ADGRL1: variants seen among roughly 807,000 people sequenced by gnomAD.
The protein encoded by ADGRL1 is CIRL-1.
A neutral mutation model predicts 148.9 loss-of-function variants in ADGRL1; 31 were observed. The observed-to-expected ratio is 0.21, with a 90% confidence interval of 0.16 to 0.28. The LOEUF is 0.28. Ranked by LOEUF, ADGRL1 falls within the 10% of genes least tolerant of loss-of-function variation. The probability of loss-of-function intolerance (pLI) is 1.00; values close to 1 mark genes in which losing one functional copy is unlikely to be tolerated. For synonymous variants in ADGRL1, 937 were observed against 900.3 expected (o/e 1.04, Z -0.73); for missense variants, 1,521 against 2,058.8 (o/e 0.74, Z 5.05).
intron 1 of ADGRL1, chr19:14,191,112 A>G (rs536357810): frequency 1.5e-4 from 70 of 456,098 alleles, no homozygotes; most frequent in Non-Finnish European, 2.7e-4. Flanking sequence ...ACAAAAGACA[A>G]TGTTGAGTGG....
chr19:14,152,264 A>G lies in ADGRL1; in HGVS notation c.3649+45T>C. ...CCCATGCAGAGGTCCCTTGGGACAC[A>G]AACCCTCCATTTCCCAACCTGGGAT... On this transcript the variant is annotated intron_variant, in intron 21 of 22. Coordinates refer to ENST00000361434, the MANE Select transcript of ADGRL1 (RefSeq NM_014921.5). This position sits in a 1 kb window ranked among gnomAD's most constrained non-coding sequence, Gnocchi z 6.1. 6.2e-7 allele frequency: 1 copy of G among 1,610,936 alleles called. No homozygotes were observed. The highest frequency in any genetic ancestry group is 1.1e-5 in the South Asian group (1 of 90,948).
At chr19:14,204,804 C>T (rs1482005014) in intron 1 of ADGRL1, among the ~76,000 whole-genome samples, 1 of 152,078 alleles carries the variant, frequency 6.6e-6, no homozygotes, top group African/African-American at 2.4e-5. Flanking sequence ...ACCCCTCCCC[C>T]TCCTGCCCCC....
In ADGRL1 at chr19:14,148,186, G is replaced by A. The variant is rs1278552728; in HGVS notation, c.*2687C>T. On this transcript the variant is annotated 3_prime_UTR_variant, in exon 23 of 23. Coordinates refer to ENST00000361434, the MANE Select transcript of ADGRL1 (RefSeq NM_014921.5). ...GTCCCAGCTGGGGTGGGGGCGTCAA[G>A]GCACCAGGTCTGGTTAGGTTGGGGG... 2 of 152,904 alleles carry A rather than the reference G, an allele frequency of 1.3e-5. No homozygotes were observed. Among genetic ancestry groups the A allele is most frequent in the Non-Finnish European group, 2.9e-5 (2 of 68,232 alleles). 9.5% of individuals were successfully genotyped at this position (152,904 alleles called of 1,614,324 possible). A position where few individuals can be genotyped will look rare whatever the true frequency, so the allele number is the denominator to read the frequency against.
chr19:14,161,214 C>A lies in ADGRL1; in HGVS notation c.1510+98G>T. On this transcript the variant is annotated intron_variant, in intron 6 of 22. Coordinates refer to ENST00000361434, the MANE Select transcript of ADGRL1 (RefSeq NM_014921.5). The surrounding 1 kb of genome is among the most constrained non-coding windows in gnomAD (Gnocchi z 4.4). The stretch of plus-strand genomic sequence containing the variant: ...GATGACCCCTGCCCTCAGAAAACCT[C>A]TGCTCCGCAGTAGAGACCCCCACCC... The A allele has an allele frequency of 1.6e-6, 2 of 1,228,170 alleles. No homozygotes were observed. Among genetic ancestry groups the A allele is most frequent in the Non-Finnish European group, 2.2e-6 (2 of 919,744 alleles). The allele number at this position is 1,228,170 out of a possible 1,614,324, so 76.1% of individuals were successfully genotyped here.
At chr19:14,200,141 A>C (rs1404815227) in intron 1 of ADGRL1, among the ~76,000 whole-genome samples, 1 of 152,210 alleles carries the variant, frequency 6.6e-6, no homozygotes, top group Non-Finnish European at 1.5e-5. Context: ...TGTTCAGTTC[A>C]GGAGAGTTAG....
At chr19:14,205,720 C>A (rs1216569432) in intron 1 of ADGRL1, among the ~76,000 whole-genome samples, 1 of 150,922 alleles carries the variant, frequency 6.6e-6, no homozygotes, top group African/African-American at 2.4e-5. Context: ...AGGCACCCTG[C>A]GGTAGCCCGT....
intron 1 of ADGRL1, among the ~76,000 whole-genome samples, chr19:14,195,578 C>T (rs1972208585): frequency 6.6e-6 from 1 of 152,156 alleles, no homozygotes; most frequent in Admixed American, 6.5e-5. Flanking sequence ...GGCTGCATCT[C>T]CTGCCTCCTG....
intron 12 of ADGRL1, 88 bp downstream of exon 12, chr19:14,158,250 A>G: frequency 7.2e-7 from 1 of 1,382,150 alleles, no homozygotes; most frequent in Non-Finnish European, 1.0e-6. Flanking sequence ...CTTGTTCTGG[A>G]GGTGAGCACA....
Position 14,152,725 on chromosome 19 carries a change from C to G in ADGRL1, c.3423+59G>C. 1 of 1,603,802 alleles carries G rather than the reference C, an allele frequency of 6.2e-7. No individual in the cohort carries two copies. Among genetic ancestry groups the G allele is most frequent in the South Asian group, 1.1e-5 (1 of 90,198 alleles). On this transcript the variant is annotated intron_variant, in intron 19 of 22. Coordinates refer to ENST00000361434, the MANE Select transcript of ADGRL1 (RefSeq NM_014921.5). This position sits in a 1 kb window ranked among gnomAD's most constrained non-coding sequence, Gnocchi z 6.1. ...CAGAAACCTAGGCCAAGCCACTCCC[C>G]ACCTCTCAGGCTCCAGGTTCCAACA...
At chr19:14,191,358 T>G (rs1279352517) in intron 1 of ADGRL1, 1 of 456,566 alleles carries the variant, frequency 2.2e-6, no homozygotes, top group Non-Finnish European at 4.4e-6. Flanking sequence ...TCTGTTTTCT[T>G]CTTGGTAAAA....
At chr19:14,184,302 C>T (rs1354714967) in intron 1 of ADGRL1, among the ~76,000 whole-genome samples, 4 of 151,988 alleles carry the variant, frequency 2.6e-5, no homozygotes, top group East Asian at 1.9e-4. Context: ...GGGTGGGAGG[C>T]GGACACTGCC....
chr19:14,150,817 C>G lies in ADGRL1; in HGVS notation c.*56G>C. On this transcript the variant is annotated 3_prime_UTR_variant, in exon 23 of 23. Transcript: ENST00000361434. ...TCTGTCTCCCTCTCCCACCAGAGCC[C>G]TGCCCAGGGTTCCCTCCCTGGCCTG... 1 of 1,576,900 alleles carries G rather than the reference C, an allele frequency of 6.3e-7. No individual in the cohort carries two copies. Among genetic ancestry groups the G allele is most frequent in the South Asian group, 1.2e-5 (1 of 86,284 alleles).
rs1281681392 is a variant in ADGRL1 at position 14,157,015 on chromosome 19, T to C, written c.2876A>G (p.Lys959Arg). 1 of 1,613,808 alleles carries C rather than the reference T, an allele frequency of 6.2e-7. No individual in the cohort carries two copies. The highest frequency in any genetic ancestry group is 8.5e-7 in the Non-Finnish European group (1 of 1,179,944). The change falls in exon 15 of 23, where the codon AAG becomes AGG. Residue 959 changes from lysine to arginine, a missense_variant. Lys to Arg is a conservative substitution (Grantham distance 26, BLOSUM62 2). Around this residue, in one of 8 missense-constraint regions of ADGRL1, gnomAD observed 185 missense variants for 251.7 expected, o/e 0.74. Transcript: ENST00000361434. The surrounding 1 kb of genome is among the most constrained non-coding windows in gnomAD (Gnocchi z 7.5). ...EVFESEYSRT[K>R]YYYLGGYCFP... ...GCAGTAGCCACCCAGGTAGTAGTAC[T>C]TGGTGCGGGAATACTCGCTCTCAAA...
chr19:14,150,582 C>T lies in ADGRL1; in HGVS notation c.*291G>A. On this transcript the variant is annotated 3_prime_UTR_variant, in exon 23 of 23. Coordinates refer to ENST00000361434, the MANE Select transcript of ADGRL1 (RefSeq NM_014921.5). ...GGAGAGTCTGGAAGTGGGCTGCACC[C>T]TTCCAAGTTCTCCCTCCTCACTCCC... 1 of 451,702 alleles carries T rather than the reference C, an allele frequency of 2.2e-6. No individual in the cohort carries two copies. 28.0% of individuals were successfully genotyped at this position (451,702 alleles called of 1,614,324 possible).
At chr19:14,178,429 C>G (rs1430045269) in intron 2 of ADGRL1, among the ~76,000 whole-genome samples, 8 of 151,962 alleles carry the variant, frequency 5.3e-5, no homozygotes, top group African/African-American at 1.9e-4. Flanking sequence ...CACCTCAGCC[C>G]AGGAGGTTGA....
At position 14,158,210 on chromosome 19, in the gene ADGRL1, G is replaced by A. The variant is rs1195394761; in HGVS notation, c.2364+128C>T. 5 of 1,233,280 alleles carry A rather than the reference G, an allele frequency of 4.1e-6. No individual in the cohort carries two copies. In the Admixed American group the frequency reaches 5.8e-5, roughly 14 times the overall value. 76.4% of individuals were successfully genotyped at this position (1,233,280 alleles called of 1,614,324 possible). Reference sequence around the variant, plus strand: ...ATTCTGAGAGCTCTGGGGACAAATGGCCCAAGCTCTAAAGTGGAAGAACCC... The same window carrying A: ...ATTCTGAGAGCTCTGGGGACAAATGACCCAAGCTCTAAAGTGGAAGAACCC... On this transcript the variant is annotated intron_variant, in intron 12 of 22. Coordinates refer to ENST00000361434, the MANE Select transcript of ADGRL1 (RefSeq NM_014921.5).
chr19:14,151,637 G>A (rs1390730005), intron 22 of ADGRL1, 22 bp from the exon 23 acceptor site: 1 of 1,568,110 alleles, frequency 6.4e-7, no homozygotes, highest in African/African-American at 1.4e-5. Context: ...AAAGGGGCTG[G>A]TCAGGTTGAA....
rs148323887 is a variant in ADGRL1 at position 14,156,981 on chromosome 19, G to A, written c.2910C>T (p.Ala970=). Residue 970 remains alanine (A), a synonymous_variant, in exon 15 of 23, where the codon GCC becomes GCT. Transcript: ENST00000361434. Reference sequence around the variant, plus strand: ...TGGCAGCCGCGATGCCCACCACCAGGGCCGGGAAGCAGTAGCCACCCAGGT... The same window carrying A: ...TGGCAGCCGCGATGCCCACCACCAGAGCCGGGAAGCAGTAGCCACCCAGGT... ...YYYLGGYCFP[A]LVVGIAAAID... 1.3e-4 allele frequency: 207 copies of A among 1,613,810 alleles called. No individual in the cohort carries two copies. Among genetic ancestry groups the A allele is most frequent in the Middle Eastern group, 1.7e-4 (1 of 6,044 alleles).
At chr19:14,177,504 C>T (rs764503368) in intron 3 of ADGRL1, 27 bp downstream of exon 3, 6 of 1,603,032 alleles carry the variant, frequency 3.7e-6, no homozygotes, top group Non-Finnish European at 5.1e-6. Flanking sequence ...GCACTTCATC[C>T]AGGAACTGCC....
Sources: gnomAD v4.1 joint callset for allele counts (sites outside exome capture counted in the v4.1 genomes callset) on GRCh38, gnomAD v4.1.1 for gene constraint, gnomAD v4.1.1 regional missense constraint, Gnocchi (gnomAD v3.1) non-coding constraint, MANE v1.5 for transcripts, NCBI Gene and HGNC (gene_info 2026-07-23, HGNC 2026-07-21) for gene names.